Variants in IMMP2L observed in about 807,000 individuals in gnomAD.
IMMP2L encodes mitochondrial inner membrane protease subunit 2.
IMMP2L carries 18 observed loss-of-function variants against 19.3 expected under a neutral mutation model. The ratio of observed to expected loss-of-function variants is 0.93; its 90% CI spans 0.64 to 1.38. The LOEUF (loss-of-function observed/expected upper bound fraction) is 1.38. Ranked by LOEUF, IMMP2L falls within the 40% of genes most tolerant of loss-of-function variation. The pLI, the probability that IMMP2L is intolerant of heterozygous loss-of-function variation, is 0.00. For synonymous variants in IMMP2L, 76 were observed against 73.0 expected, an observed-to-expected ratio of 1.04 and a Z score of -0.21; for missense variants, 233 against 218.2, an observed-to-expected ratio of 1.07 and a Z score of -0.43.
chr7:111,402,272 T>A (rs1378268792), intron 3 of IMMP2L, among the ~76,000 whole-genome samples: 1 of 151,886 alleles, frequency 6.6e-6, no homozygotes, highest in Non-Finnish European at 1.5e-5. Context: ...AAACTAACTT[T>A]CTATGAAACG....
At chr7:111,318,701 T>G (rs1160955321) in intron 3 of IMMP2L, among the ~76,000 whole-genome samples, 1 of 152,126 alleles carries the variant, frequency 6.6e-6, no homozygotes, top group Non-Finnish European at 1.5e-5. Context: ...CCAAGCCACT[T>G]GAAGACGGAA....
chr7:111,152,479 G>A (rs1363353469), intron 3 of IMMP2L, among the ~76,000 whole-genome samples: 1 of 152,016 alleles, frequency 6.6e-6, no homozygotes, highest in Non-Finnish European at 1.5e-5. Context: ...TCTCACACTA[G>A]CAACTTCTTA....
intron 3 of IMMP2L, among the ~76,000 whole-genome samples, chr7:111,062,292 T>C (rs1794090209): frequency 6.6e-6 from 1 of 152,118 alleles, no homozygotes; most frequent in African/African-American, 2.4e-5. Flanking sequence ...AAACTCCCAT[T>C]TTTAAAACCA....
At chr7:111,360,392 A>G (rs550361441) in intron 3 of IMMP2L, among the ~76,000 whole-genome samples, 1 of 152,186 alleles carries the variant, frequency 6.6e-6, no homozygotes, top group African/African-American at 2.4e-5. Context: ...TCCCAAGTAC[A>G]TACCTGTGTG....
intron 3 of IMMP2L, among the ~76,000 whole-genome samples, chr7:111,036,471 A>G (rs1374412200): frequency 6.6e-6 from 1 of 152,192 alleles, no homozygotes; most frequent in African/African-American, 2.4e-5. Flanking sequence ...ATGTATTAAT[A>G]TGACATTATA....
intron 3 of IMMP2L, among the ~76,000 whole-genome samples, chr7:111,421,483 A>T (rs1835544098): frequency 1.3e-5 from 2 of 150,674 alleles, no homozygotes; most frequent in South Asian, 4.2e-4. Flanking sequence ...CGTGTTAGCC[A>T]GGATGGTCTC....
At chr7:110,785,305 C>T (rs905148120) in intron 5 of IMMP2L, among the ~76,000 whole-genome samples, 6 of 151,938 alleles carry the variant, frequency 3.9e-5, no homozygotes, top group Admixed American at 1.3e-4. Flanking sequence ...AAGTAATGGT[C>T]ATTTTAAAAT....
chr7:111,512,261 A>G (rs1845518642), intron 2 of IMMP2L, among the ~76,000 whole-genome samples: 2 of 152,148 alleles, frequency 1.3e-5, no homozygotes, highest in Non-Finnish European at 1.5e-5. Context: ...TAGTAAGTAA[A>G]AGAGCCAGTC....
intron 3 of IMMP2L, among the ~76,000 whole-genome samples, chr7:111,434,051 G>A (rs528010988): frequency 5.9e-5 from 9 of 151,686 alleles, no homozygotes; most frequent in African/African-American, 1.2e-4. Context: ...ATTATACTAC[G>A]AGGCTACAGG....
At chr7:111,514,451 T>C (rs750457463) in intron 2 of IMMP2L, among the ~76,000 whole-genome samples, 25 of 152,042 alleles carry the variant, frequency 1.6e-4, no homozygotes, top group Non-Finnish European at 3.1e-4. Context: ...CACACCAACA[T>C]GGCACATGTA....
chr7:111,494,892 T>C (rs575320799), intron 2 of IMMP2L, among the ~76,000 whole-genome samples: 6 of 151,796 alleles, frequency 4.0e-5, no homozygotes, highest in South Asian at 4.1e-4. Flanking sequence ...TCATTTTACA[T>C]AGTAAACTGA....
chr7:111,303,819 G>A (rs1329908462), intron 3 of IMMP2L, among the ~76,000 whole-genome samples: 1 of 151,818 alleles, frequency 6.6e-6, no homozygotes, highest in Non-Finnish European at 1.5e-5. Context: ...TTTTTGGTGA[G>A]ACCTCATCAT....
chr7:111,037,574 C>T (rs1176237132), intron 3 of IMMP2L, among the ~76,000 whole-genome samples: 1 of 152,050 alleles, frequency 6.6e-6, no homozygotes, highest in Non-Finnish European at 1.5e-5. Context: ...ATTTTAATTT[C>T]AGGGTCTTTT....
chr7:111,038,615 C>T lies in IMMP2L; in HGVS notation c.240-75050G>A, dbSNP rs10282078. On this transcript the variant is annotated intron_variant, in intron 3 of 5. Transcript: ENST00000405709. ...GTTCTGGTTTGTTCAGTAAAACAGA[C>T]CCTTGGGCATAAAACTATACAACTT... Among the ~76,000 whole-genome samples the T allele has an allele frequency of 9.8e-3, 1,494 of 152,124 alleles. 22 individuals are homozygous for T. Among genetic ancestry groups the T allele is most frequent in the African/African-American group, 0.033 (1,381 of 41,498 alleles).
intron 3 of IMMP2L, among the ~76,000 whole-genome samples, chr7:111,295,852 G>A (rs1821572441): frequency 6.6e-6 from 1 of 151,136 alleles, no homozygotes; most frequent in Non-Finnish European, 1.5e-5. Flanking sequence ...ATAAAAATGT[G>A]GCATATCAAC....
chr7:110,869,714 A>G, intron 5 of IMMP2L, among the ~76,000 whole-genome samples: 1 of 152,144 alleles, frequency 6.6e-6, no homozygotes, highest in East Asian at 1.9e-4. Context: ...CAAGCTCCTA[A>G]GGTGATTCTA....
At position 110,757,307 on chromosome 7, in the gene IMMP2L, T is replaced by C. The variant is rs940903553; in HGVS notation, c.409-93586A>G. Among the ~76,000 whole-genome samples, 1 of 79,588 alleles carries C rather than the reference T, an allele frequency of 1.3e-5. No homozygotes were observed. Among genetic ancestry groups the C allele is most frequent in the Admixed American group, 1.6e-4 (1 of 6,176 alleles). The allele number at this position is 79,588 out of a possible 152,430, so 52.2% of individuals were successfully genotyped here. On this transcript the variant is annotated intron_variant, in intron 5 of 5. Transcript: ENST00000405709. This position sits in a 1 kb window ranked among gnomAD's most constrained non-coding sequence, Gnocchi z 4.2. ...TTTGGTTTAATACTCACCATCACCA[T>C]CTAGAGCTTAATAATTTTTTAACAA...
intron 3 of IMMP2L, among the ~76,000 whole-genome samples, chr7:111,313,880 T>C (rs920132298): frequency 1.1e-4 from 17 of 152,034 alleles, no homozygotes; most frequent in Non-Finnish European, 1.9e-4. Context: ...GTGGGAGGTG[T>C]TTGGATCCCA....
intron 3 of IMMP2L, among the ~76,000 whole-genome samples, chr7:111,094,308 G>T (rs917910993): frequency 3.9e-5 from 6 of 152,116 alleles, no homozygotes; most frequent in Non-Finnish European, 2.9e-5. Context: ...ATGGGCAGAG[G>T]TGAGGTATCT....
Sources: allele counts gnomAD v4.1 joint callset (sites outside exome capture counted in the v4.1 genomes callset), GRCh38; gene constraint gnomAD v4.1.1; non-coding constraint Gnocchi (gnomAD v3.1); transcripts MANE v1.5; gene names NCBI Gene and HGNC (gene_info 2026-07-23, HGNC 2026-07-21).